The following KCNT2 variants were observed in gnomAD, a reference collection of about 807,000 sequenced individuals.
KCNT2 encodes potassium channel subfamily T member 2.
Under a neutral mutation model 153.8 loss-of-function variants are expected in KCNT2, and 67 were observed. That is an observed-to-expected ratio of 0.44 (90% CI 0.36 to 0.53). KCNT2 has a LOEUF of 0.53. Ranked by LOEUF, KCNT2 falls within the 20% of genes least tolerant of loss-of-function variation. The pLI, the probability that KCNT2 is intolerant of heterozygous loss-of-function variation, is 0.00. For missense variants in KCNT2, 975 were observed against 1,354.8 expected (o/e 0.72, Z 4.40); for synonymous variants, 500 against 458.8 (o/e 1.09, Z -1.15).
At chr1:196,523,089 G>A (rs922652562) in intron 1 of KCNT2, among the ~76,000 whole-genome samples, 2 of 152,182 alleles carry the variant, frequency 1.3e-5, no homozygotes, top group South Asian at 2.1e-4. Flanking sequence ...ACACTGCGAA[G>A]GCCTGCAGCT....
intron 16 of KCNT2, among the ~76,000 whole-genome samples, chr1:196,334,875 A>G (rs1664863347): frequency 6.6e-6 from 1 of 152,060 alleles, no homozygotes. Flanking sequence ...CTGTGAAGTT[A>G]GGACATTCGA....
At chr1:196,343,883 G>A (rs982809911) in intron 14 of KCNT2, among the ~76,000 whole-genome samples, 1 of 152,066 alleles carries the variant, frequency 6.6e-6, no homozygotes, top group African/African-American at 2.4e-5. Flanking sequence ...GGGTTCAAGC[G>A]ATTCTCCTGT....
intron 26 of KCNT2, among the ~76,000 whole-genome samples, chr1:196,249,441 A>G (rs556042506): frequency 3.2e-4 from 49 of 152,286 alleles, no homozygotes; most frequent in African/African-American, 9.6e-4. Flanking sequence ...AGAACTGATA[A>G]ACAAATTCAG....
At chr1:196,229,160 A>T (rs1342974725) in intron 27 of KCNT2, among the ~76,000 whole-genome samples, 1 of 152,036 alleles carries the variant, frequency 6.6e-6, no homozygotes, top group African/African-American at 2.4e-5. Flanking sequence ...ATATTGAATT[A>T]TTTATAAATG....
At chr1:196,389,876 C>T (rs1187738348) in intron 13 of KCNT2, among the ~76,000 whole-genome samples, 1 of 151,604 alleles carries the variant, frequency 6.6e-6, no homozygotes, top group Non-Finnish European at 1.5e-5. Context: ...ATTTCAAATG[C>T]CCTGCTGATC....
intron 1 of KCNT2, among the ~76,000 whole-genome samples, chr1:196,515,779 G>A (rs1681997392): frequency 6.6e-6 from 1 of 152,128 alleles, no homozygotes; most frequent in South Asian, 2.1e-4. Flanking sequence ...AACCCAAGGA[G>A]ATTAGAGAAA....
chr1:196,367,705 A>C lies in KCNT2; in HGVS notation c.1403+5435T>G, dbSNP rs574651192. ...ACAGAAACTGTATTGACTACTCCAA[A>C]ATGTTTTATAAACCACTCTTCCCTT... On this transcript the variant is annotated intron_variant, in intron 14 of 27. Coordinates refer to ENST00000294725, the MANE Select transcript of KCNT2 (RefSeq NM_198503.5). Among the ~76,000 whole-genome samples, 4 of 152,278 alleles carry C rather than the reference A, an allele frequency of 2.6e-5. No homozygotes were observed. In the East Asian group the frequency reaches 7.7e-4, roughly 29 times the overall value.
chr1:196,236,980 A>G (rs972110196), intron 26 of KCNT2, among the ~76,000 whole-genome samples: 13 of 151,738 alleles, frequency 8.6e-5, no homozygotes, highest in African/African-American at 3.1e-4. Context: ...TTTTTGAGCT[A>G]TAGTATTCCA....
chr1:196,344,582 A>G (rs1474071892), intron 14 of KCNT2, among the ~76,000 whole-genome samples: 1 of 152,028 alleles, frequency 6.6e-6, no homozygotes, highest in Non-Finnish European at 1.5e-5. Context: ...CTGAAAATGT[A>G]TGAGATGGTG....
intron 22 of KCNT2, among the ~76,000 whole-genome samples, chr1:196,296,808 G>A (rs1381308970): frequency 1.3e-5 from 2 of 151,996 alleles, no homozygotes; most frequent in African/African-American, 2.4e-5. Flanking sequence ...TGAAATGGAA[G>A]GCTGAATAAA....
At position 196,428,730 on chromosome 1, in the gene KCNT2, AAGAC is replaced by A. The variant is rs541446880; in HGVS notation, c.820-465_820-462del. Among the ~76,000 whole-genome samples, 7 of 152,216 alleles carry A rather than the reference AAGAC, an allele frequency of 4.6e-5. No homozygotes were observed. In the South Asian group the frequency reaches 1.4e-3, roughly 32 times the overall value. On this transcript the variant is annotated intron_variant, in intron 9 of 27. Coordinates refer to ENST00000294725, the MANE Select transcript of KCNT2 (RefSeq NM_198503.5). Reference sequence around the variant, plus strand: ...TGCAAGGGAGGGTATGTCAGGAAGAAAGACATGCATGAATTTATCGGAGCAGGAA... The same window carrying A: ...TGCAAGGGAGGGTATGTCAGGAAGAAATGCATGAATTTATCGGAGCAGGAA...
intron 1 of KCNT2, among the ~76,000 whole-genome samples, chr1:196,601,182 C>T (rs1191350028): frequency 1.3e-5 from 2 of 152,268 alleles, no homozygotes; most frequent in East Asian, 3.9e-4. Context: ...ATATTCTTTT[C>T]CCATTTAATC....
At chr1:196,496,066 C>G (rs976987794) in intron 1 of KCNT2, among the ~76,000 whole-genome samples, 2 of 150,868 alleles carry the variant, frequency 1.3e-5, no homozygotes, top group African/African-American at 4.9e-5. Flanking sequence ...ATTTTTTTTT[C>G]ACATTTATTA....
chr1:196,442,354 C>T (rs1675309255), intron 8 of KCNT2, among the ~76,000 whole-genome samples: 1 of 151,760 alleles, frequency 6.6e-6, no homozygotes, highest in Admixed American at 6.6e-5. Context: ...CTCCATTCAC[C>T]TATTTATTGA....
intron 26 of KCNT2, among the ~76,000 whole-genome samples, chr1:196,242,010 C>A (rs973345763): frequency 6.6e-6 from 1 of 152,068 alleles, no homozygotes; most frequent in Non-Finnish European, 1.5e-5. Context: ...TTCAATGGTG[C>A]AAAGTCCTGT....
At chr1:196,560,267 AG>A (rs1659207191) in intron 1 of KCNT2, among the ~76,000 whole-genome samples, 1 of 151,938 alleles carries the variant, frequency 6.6e-6, no homozygotes, top group Non-Finnish European at 1.5e-5. Context: ...AATTAGGTAA[AG>A]GGAACGGTGA....
chr1:196,452,241 C>A (rs1005845138), intron 8 of KCNT2, among the ~76,000 whole-genome samples: 6 of 151,992 alleles, frequency 3.9e-5, no homozygotes, highest in Non-Finnish European at 7.4e-5. Flanking sequence ...GCTACTATCA[C>A]ATTACCACTT....
intron 14 of KCNT2, among the ~76,000 whole-genome samples, chr1:196,358,796 G>A (rs1249457377): frequency 6.6e-6 from 1 of 151,718 alleles, no homozygotes; most frequent in African/African-American, 2.4e-5. Context: ...TCCTTTGGCT[G>A]GATATATTTC....
Position 196,254,496 on chromosome 1 carries a change from G to T in KCNT2, c.3211+3698C>A, listed in dbSNP as rs189092968. Among the ~76,000 whole-genome samples, 45 of 151,542 alleles carry T rather than the reference G, an allele frequency of 3.0e-4. No homozygotes were observed. The East Asian group carries it at 6.6e-3, about 22-fold the overall frequency. On this transcript the variant is annotated intron_variant, in intron 26 of 27. Transcript: ENST00000294725. ...TTAAAAGTTGCAAAAAATTATAAAA[G>T]AAATAACTAGCCATAGTTCCTTTTC...
Sources: gnomAD v4.1 joint callset for allele counts (sites outside exome capture counted in the v4.1 genomes callset) on GRCh38, gnomAD v4.1.1 for gene constraint, MANE v1.5 for transcripts, NCBI Gene and HGNC (gene_info 2026-07-23, HGNC 2026-07-21) for gene names.